The following ULK4 variants were observed in gnomAD, a reference collection of about 807,000 sequenced individuals.
ULK4 encodes the protein unc-51 like kinase 4.
Under a neutral mutation model 160.6 loss-of-function variants are expected in ULK4, and 133 were observed. The observed-to-expected ratio is 0.83, with a 90% CI of 0.72 to 0.96. The LOEUF (loss-of-function observed/expected upper bound fraction) is 0.96. Among genes scored for constraint, ULK4 ranks in the 40% least tolerant of loss-of-function variants. The probability of loss-of-function intolerance (pLI) is 0.00; values close to 1 mark genes in which losing one functional copy is unlikely to be tolerated. For synonymous variants in ULK4, 534 were observed against 539.8 expected (o/e 0.99, Z 0.15); for missense variants, 1,580 against 1,499.5 (o/e 1.05, Z -0.89).
chr3:41,291,289 A>G (rs948361791), intron 35 of ULK4, among the ~76,000 whole-genome samples: 1 of 151,000 alleles, frequency 6.6e-6, no homozygotes, highest in African/African-American at 2.4e-5. Context: ...AAAGAGAGAG[A>G]TAAGTATAAG....
At chr3:41,897,107 C>T in intron 14 of ULK4, 104 bp from the exon 15 acceptor site, 1 of 1,060,348 alleles carries the variant, frequency 9.4e-7, no homozygotes, top group East Asian at 2.5e-5. Context: ...AAGATGAGGA[C>T]AAACATTACA....
At chr3:41,813,379 A>G (rs1255622182) in intron 19 of ULK4, among the ~76,000 whole-genome samples, 2 of 152,202 alleles carry the variant, frequency 1.3e-5, no homozygotes, top group East Asian at 3.8e-4. Context: ...TTAATTCCAA[A>G]ATTATTTTCT....
intron 17 of ULK4, among the ~76,000 whole-genome samples, chr3:41,856,749 TA>T (rs1486129980): frequency 6.7e-6 from 1 of 150,142 alleles, no homozygotes; most frequent in Non-Finnish European, 1.5e-5. Flanking sequence ...CTACAAAAAA[TA>T]AAAAAATTAG....
chr3:41,301,907 T>C (rs998268419), intron 35 of ULK4, among the ~76,000 whole-genome samples: 5 of 152,188 alleles, frequency 3.3e-5, no homozygotes, highest in Non-Finnish European at 7.3e-5. Flanking sequence ...TTAATAAATA[T>C]ATTTATATCG....
In ULK4 at chr3:41,625,468, G is replaced by A. The variant is rs117498645; in HGVS notation, c.3072-9751C>T. On this transcript the variant is annotated intron_variant, in intron 30 of 36. Transcript: ENST00000301831. ...ATCAAACCCCAACGCACTCTGAATT[G>A]TGGCGCCATCTACTCAGCGCACCCT... is the stretch of plus-strand genomic sequence containing the variant. Among the ~76,000 whole-genome samples the A allele has an allele frequency of 9.5e-4, 144 of 152,258 alleles. 1 individual carries two copies. The East Asian group carries it at 0.024, about 25-fold the overall frequency.
intron 31 of ULK4, among the ~76,000 whole-genome samples, chr3:41,610,719 C>G (rs1025742027): frequency 6.6e-6 from 1 of 152,158 alleles, no homozygotes; most frequent in Non-Finnish European, 1.5e-5. Context: ...TAGTGTATTG[C>G]TAATCCAATT....
At chr3:41,855,668 A>C (rs1036856170) in intron 17 of ULK4, among the ~76,000 whole-genome samples, 1 of 152,108 alleles carries the variant, frequency 6.6e-6, no homozygotes, top group African/African-American at 2.4e-5. Context: ...TATCTTCAAC[A>C]CTCCTCAAAT....
chr3:41,431,151 T>C (rs2082895203), intron 34 of ULK4, among the ~76,000 whole-genome samples: 2 of 152,064 alleles, frequency 1.3e-5, no homozygotes, highest in Admixed American at 6.5e-5. Context: ...GGATGAAGAC[T>C]ATTCTGGCCA....
At chr3:41,472,456 C>A (rs373180706) in intron 32 of ULK4, among the ~76,000 whole-genome samples, 1 of 151,706 alleles carries the variant, frequency 6.6e-6, no homozygotes, top group East Asian at 1.9e-4. Context: ...GTAATGCCAG[C>A]TACTTAGGAG....
chr3:41,917,510 T>A lies in ULK4; in HGVS notation c.727+947A>T, dbSNP rs561632729. 2.6e-5 allele frequency among the ~76,000 whole-genome samples: 4 copies of A among 152,244 alleles called. No homozygotes were observed. The East Asian group carries it at 5.8e-4, about 22-fold the overall frequency. On this transcript the variant is annotated intron_variant, in intron 7 of 36. Transcript: ENST00000301831. ...TAGCAATAATTTTTGTAGAATCCTG[T>A]TTTCATTTATGTGTCTTAAGATAAA...
chr3:41,492,362 T>A (rs1008926103), intron 32 of ULK4, among the ~76,000 whole-genome samples: 1 of 151,564 alleles, frequency 6.6e-6, no homozygotes, highest in Non-Finnish European at 1.5e-5. Context: ...TGTAAAAGTG[T>A]TCCTATTTCT....
intron 36 of ULK4, among the ~76,000 whole-genome samples, chr3:41,249,124 G>A (rs1276374667): frequency 6.6e-6 from 1 of 152,184 alleles, no homozygotes; most frequent in Non-Finnish European, 1.5e-5. Context: ...CTGCTGATGG[G>A]GGCATGTGTG....
chr3:41,784,906 C>T (rs917027527), intron 21 of ULK4, among the ~76,000 whole-genome samples: 1 of 152,094 alleles, frequency 6.6e-6, no homozygotes, highest in African/African-American at 2.4e-5. Flanking sequence ...TTACAAACTA[C>T]AAATAACTAT....
At chr3:41,403,475 C>T (rs1264429715) in intron 34 of ULK4, among the ~76,000 whole-genome samples, 1 of 152,126 alleles carries the variant, frequency 6.6e-6, no homozygotes, top group Admixed American at 6.5e-5. Context: ...TAATTTCTGT[C>T]TTCTCTCTTC....
At chr3:41,824,361 G>T (rs536548506) in intron 18 of ULK4, among the ~76,000 whole-genome samples, 1 of 151,930 alleles carries the variant, frequency 6.6e-6, no homozygotes, top group Non-Finnish European at 1.5e-5. Context: ...ACAAAGCAGG[G>T]TGAGGCATTG....
chr3:41,780,711 T>C (rs530008071), intron 21 of ULK4, among the ~76,000 whole-genome samples: 1 of 152,268 alleles, frequency 6.6e-6, no homozygotes, highest in South Asian at 2.1e-4. Context: ...CTTCCAGAGT[T>C]TCCATAGAAA....
intron 29 of ULK4, among the ~76,000 whole-genome samples, chr3:41,670,567 G>A (rs1017016767): frequency 8.6e-5 from 13 of 151,474 alleles, no homozygotes; most frequent in Non-Finnish European, 1.5e-4. Flanking sequence ...ATATATATAC[G>A]TATGTATATA....
chr3:41,769,799 T>C (rs575394897), intron 21 of ULK4, among the ~76,000 whole-genome samples: 2 of 152,304 alleles, frequency 1.3e-5, no homozygotes, highest in African/African-American at 4.8e-5. Context: ...TATTAGATGG[T>C]AACGAGGTAG....
intron 30 of ULK4, among the ~76,000 whole-genome samples, chr3:41,659,416 A>C (rs528871897): frequency 1.3e-5 from 2 of 152,360 alleles, no homozygotes; most frequent in African/African-American, 4.8e-5. Context: ...GCCCAGACCA[A>C]CGAACTATTG....
Sources: allele counts gnomAD v4.1 joint callset (sites outside exome capture counted in the v4.1 genomes callset), GRCh38; gene constraint gnomAD v4.1.1; transcripts MANE v1.5; gene names NCBI Gene and HGNC (gene_info 2026-07-23, HGNC 2026-07-21).